PRKN: variants seen among roughly 807,000 people sequenced by gnomAD.
PRKN encodes the protein parkin RBR E3 ubiquitin protein ligase.
A neutral mutation model predicts 59.5 loss-of-function variants in PRKN; 56 were observed. The observed-to-expected ratio is 0.94, with a 90% CI of 0.76 to 1.18. The LOEUF is 1.18. PRKN is among the 50% of genes most tolerant of loss of function. The pLI, the probability that PRKN is intolerant of heterozygous loss-of-function variation, is 0.00. For synonymous variants in PRKN, 250 were observed against 222.1 expected, an observed-to-expected ratio of 1.13 and a Z score of -1.12; for missense variants, 657 against 596.4, an observed-to-expected ratio of 1.10 and a Z score of -1.06.
At chr6:161,989,136 A>G (rs550839958) in intron 5 of PRKN, among the ~76,000 whole-genome samples, 17 of 152,350 alleles carry the variant, frequency 1.1e-4, no homozygotes, top group African/African-American at 4.1e-4. Context: ...TGGATTCACT[A>G]TGGACATAAT....
At chr6:162,553,301 T>C (rs1779403841) in intron 1 of PRKN, among the ~76,000 whole-genome samples, 2 of 151,682 alleles carry the variant, frequency 1.3e-5, no homozygotes, top group South Asian at 2.1e-4. Flanking sequence ...AGAAAGTGAG[T>C]GCTCTTGGTG....
rs182779052 is a variant in PRKN at position 161,763,510 on chromosome 6, G to C, written c.871+22262C>G. Among the ~76,000 whole-genome samples the C allele has an allele frequency of 4.3e-3, 656 of 152,154 alleles. 6 individuals carry two copies. Among genetic ancestry groups the C allele is most frequent in the Non-Finnish European group, 4.4e-3 (296 of 68,012 alleles). Reference sequence around the variant, plus strand: ...CATCTTGCAGGAGTTGACGAAGAGCGGAGCAGTGTTAGTGGGTGATTTCCT... The same window carrying C: ...CATCTTGCAGGAGTTGACGAAGAGCCGAGCAGTGTTAGTGGGTGATTTCCT... On this transcript the variant is annotated intron_variant, in intron 7 of 11. Transcript: ENST00000366898.
intron 6 of PRKN, among the ~76,000 whole-genome samples, chr6:161,793,744 T>C (rs371474214): frequency 2.2e-4 from 33 of 152,296 alleles, no homozygotes; most frequent in African/African-American, 7.7e-4. Context: ...ATCCAGTCTA[T>C]ATAGTGAGAA....
At chr6:161,568,526 G>T (rs1780739487) in intron 8 of PRKN, among the ~76,000 whole-genome samples, 1 of 152,210 alleles carries the variant, frequency 6.6e-6, no homozygotes. Context: ...CTGGGAGGCG[G>T]AGCTTGCAGT....
At chr6:162,226,312 A>G (rs979836484) in intron 3 of PRKN, among the ~76,000 whole-genome samples, 1 of 152,066 alleles carries the variant, frequency 6.6e-6, no homozygotes, top group Non-Finnish European at 1.5e-5. Flanking sequence ...GAAAGGAGAG[A>G]GTGCTCCCCT....
intron 5 of PRKN, among the ~76,000 whole-genome samples, chr6:162,020,316 T>A (rs1783087788): frequency 1.5e-5 from 1 of 66,904 alleles, no homozygotes; most frequent in Non-Finnish European, 2.8e-5. Context: ...GAATGCTGAC[T>A]AAGTGACCAA....
At chr6:162,127,580 G>GA (rs1644002746) in intron 4 of PRKN, among the ~76,000 whole-genome samples, 1 of 152,152 alleles carries the variant, frequency 6.6e-6, no homozygotes, top group Admixed American at 6.5e-5. Flanking sequence ...GAGTTGCGGT[G>GA]AAAAAACTGA....
intron 2 of PRKN, among the ~76,000 whole-genome samples, chr6:162,357,349 G>T (rs1562698109): frequency 6.6e-6 from 1 of 152,088 alleles, no homozygotes; most frequent in Non-Finnish European, 1.5e-5. Flanking sequence ...GAAAAATAAA[G>T]AAATAAATAA....
intron 5 of PRKN, among the ~76,000 whole-genome samples, chr6:162,020,271 G>T (rs1783085524): frequency 7.1e-6 from 1 of 140,208 alleles, no homozygotes; most frequent in Non-Finnish European, 1.5e-5. Flanking sequence ...TAGAATATAG[G>T]GAGAGCTTGG....
chr6:162,666,878 T>C (rs1779124130), intron 1 of PRKN, among the ~76,000 whole-genome samples: 1 of 152,142 alleles, frequency 6.6e-6, no homozygotes, highest in African/African-American at 2.4e-5. Context: ...GCAAATTGAC[T>C]AATTCTTGTT....
At position 161,446,075 on chromosome 6, in the gene PRKN, A is replaced by G. The variant is rs2087083538; in HGVS notation, c.1084-59198T>C. Among the ~76,000 whole-genome samples, 2 of 139,288 alleles carry G rather than the reference A, an allele frequency of 1.4e-5. No homozygotes were observed. The highest frequency in any genetic ancestry group is 5.3e-4 in the South Asian group (2 of 3,804). The allele number at this position is 139,288 out of a possible 152,430, so 91.4% of individuals were successfully genotyped here. A position where few individuals can be genotyped will look rare whatever the true frequency, so the allele number is the denominator to read the frequency against. ...AAAACTTAGCTGGGTGTGGTGGCAC[A>G]TGCCTATGGTCCCAGGTATCTGGAG... is the stretch of plus-strand genomic sequence containing the variant. On this transcript the variant is annotated intron_variant, in intron 9 of 11. Transcript: ENST00000366898. This position sits in a 1 kb window ranked among gnomAD's most constrained non-coding sequence, Gnocchi z 6.2.
At chr6:162,026,424 G>C (rs1488480780) in intron 5 of PRKN, among the ~76,000 whole-genome samples, 1 of 152,208 alleles carries the variant, frequency 6.6e-6, no homozygotes, top group African/African-American at 2.4e-5. Flanking sequence ...GTAACCTACT[G>C]AGTTTTCATT....
chr6:161,706,933 C>A (rs75268220), intron 7 of PRKN, among the ~76,000 whole-genome samples: 5,709 of 152,150 alleles, frequency 0.038, 388 homozygotes, highest in African/African-American at 0.13. Flanking sequence ...TGCTGTTTAA[C>A]AATAATTAGG....
chr6:161,472,158 A>G (rs115064832), intron 9 of PRKN, among the ~76,000 whole-genome samples: 1,743 of 152,320 alleles, frequency 0.011, 35 homozygotes, highest in African/African-American at 0.04. Context: ...CAGAAGGACT[A>G]AGGCTTCCAA....
Position 161,529,546 on chromosome 6 carries a change from T to C in PRKN, c.1083+19308A>G, listed in dbSNP as rs543857433. Among the ~76,000 whole-genome samples, 1 of 152,300 alleles carries C rather than the reference T, an allele frequency of 6.6e-6. No individual in the cohort carries two copies. The highest frequency in any genetic ancestry group is 1.5e-5 in the Non-Finnish European group (1 of 68,022). On this transcript the variant is annotated intron_variant, in intron 9 of 11. Transcript: ENST00000366898. The surrounding 1 kb of genome is among the most constrained non-coding windows in gnomAD (Gnocchi z 4.4). Reference sequence around the variant, plus strand: ...GGGACAGAGAAATGGCTGGTTTCTCTTCAAACTCACACAGTTTCAGTTCCA... The same window carrying C: ...GGGACAGAGAAATGGCTGGTTTCTCCTCAAACTCACACAGTTTCAGTTCCA...
chr6:162,603,997 C>T lies in PRKN; in HGVS notation c.7+123665G>A, dbSNP rs537635678. Among the ~76,000 whole-genome samples, 30 of 152,202 alleles carry T rather than the reference C, an allele frequency of 2.0e-4. 2 individuals are homozygous for T. The highest frequency in any genetic ancestry group is 6.7e-4 in the African/African-American group (28 of 41,522). ...AGGATGGATACCAAGCAGAGGCTCA[C>T]GAACACTTTTCAGCAGAGTTATTAA... On this transcript the variant is annotated intron_variant, in intron 1 of 11. Transcript: ENST00000366898.
Position 162,472,504 on chromosome 6 carries a change from G to A in PRKN, c.8-29031C>T, listed in dbSNP as rs1359883109. Among the ~76,000 whole-genome samples, 8 of 98,382 alleles carry A rather than the reference G, an allele frequency of 8.1e-5. 3 individuals carry two copies. In the East Asian group the frequency reaches 2.5e-3, roughly 30 times the overall value. The allele number at this position is 98,382 out of a possible 152,430, so 64.5% of individuals were successfully genotyped here. A position where few individuals can be genotyped will look rare whatever the true frequency, so the allele number is the denominator to read the frequency against. On this transcript the variant is annotated intron_variant, in intron 1 of 11. Transcript: ENST00000366898. ...TTTATTTTATTTTATTTTTTGAGAC[G>A]GAGTCTCGCTCTGTCGCCCAGGCCA...
intron 7 of PRKN, among the ~76,000 whole-genome samples, chr6:161,779,548 G>A (rs145878127): frequency 0.01 from 1,434 of 141,002 alleles, 6 homozygotes; most frequent in Middle Eastern, 0.025. Flanking sequence ...GGGTTCAAGC[G>A]ATTCTCCTGT....
intron 4 of PRKN, among the ~76,000 whole-genome samples, chr6:162,173,645 T>C (rs1049888292): frequency 2.2e-4 from 34 of 152,108 alleles, no homozygotes; most frequent in Non-Finnish European, 3.1e-4. Flanking sequence ...ATGTGTGAAT[T>C]TGATGCCCTC....
Sources: allele counts gnomAD v4.1 joint callset (sites outside exome capture counted in the v4.1 genomes callset), GRCh38; gene constraint gnomAD v4.1.1; non-coding constraint Gnocchi (gnomAD v3.1); transcripts MANE v1.5; gene names NCBI Gene and HGNC (gene_info 2026-07-23, HGNC 2026-07-21).